Variants in NKAIN2 observed in about 807,000 individuals in gnomAD.
The protein encoded by NKAIN2 is sodium/potassium transporting ATPase interacting 2.
A neutral mutation model predicts 32.6 loss-of-function variants in NKAIN2; 14 were observed. The observed-to-expected ratio is 0.43, with a 90% CI of 0.28 to 0.67. The LOEUF is 0.67. Among genes scored for constraint, NKAIN2 ranks in the 30% least tolerant of loss-of-function variants. The pLI is 0.17. For missense variants in NKAIN2, 198 were observed against 258.3 expected (o/e 0.77, Z 1.60); for synonymous variants, 80 against 87.2 (o/e 0.92, Z 0.46).
intron 3 of NKAIN2, among the ~76,000 whole-genome samples, chr6:124,556,897 A>G (rs926750979): frequency 1.3e-5 from 2 of 152,200 alleles, no homozygotes; most frequent in African/African-American, 2.4e-5. Context: ...ATTTTAAGAC[A>G]AATTAAATCC....
intron 3 of NKAIN2, among the ~76,000 whole-genome samples, chr6:124,525,884 C>T (rs1439956435): frequency 6.6e-6 from 1 of 152,040 alleles, no homozygotes; most frequent in Non-Finnish European, 1.5e-5. Flanking sequence ...ATAAAATAAG[C>T]AAACAGAAAA....
intron 3 of NKAIN2, among the ~76,000 whole-genome samples, chr6:124,486,925 G>T (rs1364835576): frequency 1.3e-5 from 2 of 152,012 alleles, no homozygotes; most frequent in Non-Finnish European, 2.9e-5. Flanking sequence ...TGGTTTAAAT[G>T]CATCAGTTTT....
intron 3 of NKAIN2, among the ~76,000 whole-genome samples, chr6:124,592,547 T>C (rs986533365): frequency 1.4e-4 from 21 of 152,228 alleles, no homozygotes; most frequent in Non-Finnish European, 2.1e-4. Context: ...AAAGTATGCC[T>C]GGGCTATAAA....
chr6:123,977,882 C>A lies in NKAIN2; in HGVS notation c.54+173628C>A, dbSNP rs187741911. On this transcript the variant is annotated intron_variant, in intron 1 of 6. Coordinates refer to ENST00000368417, the MANE Select transcript of NKAIN2 (RefSeq NM_001040214.3). ...GGATGAAAGCACGTATTCATACAAACCCTCAAATTTTACAGATGGACAACA... is the reference window on the plus strand; with the variant it reads ...GGATGAAAGCACGTATTCATACAAAACCTCAAATTTTACAGATGGACAACA... Among the ~76,000 whole-genome samples, 1,007 of 152,224 alleles carry A rather than the reference C, an allele frequency of 6.6e-3. 6 individuals carry two copies. Among genetic ancestry groups the A allele is most frequent in the Non-Finnish European group, 0.011 (728 of 68,010 alleles).
chr6:123,875,913 A>G (rs1241797962), intron 1 of NKAIN2, among the ~76,000 whole-genome samples: 1 of 152,054 alleles, frequency 6.6e-6, no homozygotes, highest in Non-Finnish European at 1.5e-5. Context: ...TATTATTACT[A>G]TGTATTAGTA....
chr6:123,936,269 C>T (rs966545767), intron 1 of NKAIN2, among the ~76,000 whole-genome samples: 20 of 152,140 alleles, frequency 1.3e-4, no homozygotes, highest in Non-Finnish European at 2.9e-5. Context: ...GAGAAGAGAG[C>T]AGCTGTGGAA....
intron 4 of NKAIN2, among the ~76,000 whole-genome samples, chr6:124,711,740 T>C (rs1775473527): frequency 6.6e-6 from 1 of 152,102 alleles, no homozygotes; most frequent in Non-Finnish European, 1.5e-5. Flanking sequence ...TTCAAAGTTT[T>C]CGACTTATTT....
At chr6:124,526,136 G>A (rs1443375935) in intron 3 of NKAIN2, among the ~76,000 whole-genome samples, 2 of 151,974 alleles carry the variant, frequency 1.3e-5, no homozygotes, top group Non-Finnish European at 2.9e-5. Context: ...TATATATAAA[G>A]GTGCAAAAGC....
chr6:123,850,020 C>T (rs1775264876), intron 1 of NKAIN2, among the ~76,000 whole-genome samples: 2 of 139,304 alleles, frequency 1.4e-5, no homozygotes, highest in East Asian at 4.6e-4. Flanking sequence ...GTTGCCCAGG[C>T]TGGTCTCCAA....
chr6:124,326,219 A>AT lies in NKAIN2; in HGVS notation c.193-29044dup, dbSNP rs1424425063. Reference sequence around the variant, plus strand: ...TTCAAAGCTCTTTTTTTTTTCATTTATTTTAGCTCATTTTAAAGTATTAGA... The same window carrying AT: ...TTCAAAGCTCTTTTTTTTTTCATTTATTTTTAGCTCATTTTAAAGTATTAGA... On this transcript the variant is annotated intron_variant, in intron 2 of 6. Transcript: ENST00000368417. 2.6e-5 allele frequency among the ~76,000 whole-genome samples: 3 copies of AT among 117,282 alleles called. No homozygotes were observed. The East Asian group carries it at 7.1e-4, about 28-fold the overall frequency. The allele number at this position is 117,282 out of a possible 152,430, so 76.9% of individuals were successfully genotyped here.
intron 3 of NKAIN2, among the ~76,000 whole-genome samples, chr6:124,646,312 G>A (rs547753912): frequency 6.6e-6 from 1 of 151,992 alleles, no homozygotes; most frequent in Non-Finnish European, 1.5e-5. Flanking sequence ...TTTTAAAATA[G>A]TTCACTATTA....
intron 1 of NKAIN2, among the ~76,000 whole-genome samples, chr6:123,829,553 T>C (rs1360188704): frequency 6.6e-6 from 1 of 152,174 alleles, no homozygotes; most frequent in Non-Finnish European, 1.5e-5. Context: ...TTAAGGCTTG[T>C]GGACTTTTGC....
intron 1 of NKAIN2, among the ~76,000 whole-genome samples, chr6:124,004,067 T>C (rs977583854): frequency 6.6e-6 from 1 of 152,210 alleles, no homozygotes; most frequent in Non-Finnish European, 1.5e-5. Context: ...CCAAAGCAAG[T>C]AATAGCATGT....
chr6:124,069,767 A>G (rs1783353240), intron 1 of NKAIN2, among the ~76,000 whole-genome samples: 1 of 152,146 alleles, frequency 6.6e-6, no homozygotes, highest in South Asian at 2.1e-4. Context: ...ACCTGCCTCA[A>G]CCAAGGACAT....
intron 3 of NKAIN2, among the ~76,000 whole-genome samples, chr6:124,554,411 A>T (rs1487239571): frequency 6.6e-6 from 1 of 152,202 alleles, no homozygotes; most frequent in Non-Finnish European, 1.5e-5. Flanking sequence ...TTTATCAAAG[A>T]GCCTAAACAT....
intron 1 of NKAIN2, among the ~76,000 whole-genome samples, chr6:124,041,294 G>T (rs1420452347): frequency 6.6e-6 from 1 of 152,020 alleles, no homozygotes; most frequent in Non-Finnish European, 1.5e-5. Flanking sequence ...CAATTGTGAG[G>T]ACATTGCTGC....
intron 3 of NKAIN2, among the ~76,000 whole-genome samples, chr6:124,480,320 T>C (rs759475495): frequency 6.6e-6 from 1 of 152,178 alleles, no homozygotes. Flanking sequence ...GTGAAAAAAC[T>C]CTGAAGAAAT....
At chr6:124,581,477 T>C (rs921553603) in intron 3 of NKAIN2, among the ~76,000 whole-genome samples, 1 of 147,170 alleles carries the variant, frequency 6.8e-6, no homozygotes, top group African/African-American at 2.5e-5. Flanking sequence ...AAAAGAAACA[T>C]TGGACTTAAT....
chr6:124,632,280 A>C (rs763410224), intron 3 of NKAIN2, among the ~76,000 whole-genome samples: 5 of 152,174 alleles, frequency 3.3e-5, no homozygotes, highest in Non-Finnish European at 5.9e-5. Flanking sequence ...GATAATGATC[A>C]CTTTGTATAG....
Sources: allele counts gnomAD v4.1 joint callset (sites outside exome capture counted in the v4.1 genomes callset), GRCh38; gene constraint gnomAD v4.1.1; transcripts MANE v1.5; gene names NCBI Gene and HGNC (gene_info 2026-07-23, HGNC 2026-07-21).